The following UPB1 variants were observed in gnomAD, a reference collection of about 807,000 sequenced individuals.
UPB1 encodes beta-ureidopropionase.
In UPB1, 40 loss-of-function variants were observed where a neutral mutation model predicts 49.1. The ratio of observed to expected loss-of-function variants is 0.81; its 90% CI spans 0.63 to 1.06. The LOEUF is 1.06. UPB1 is among the 50% of genes least tolerant of loss of function. The pLI, the probability that UPB1 is intolerant of heterozygous loss-of-function variation, is 0.00. For synonymous variants in UPB1, 207 were observed against 198.2 expected (o/e 1.04, Z -0.38); for missense variants, 499 against 505.9 (o/e 0.99, Z 0.13).
chr22:24,511,962 G>A (rs1214095878), intron 4 of UPB1, among the ~76,000 whole-genome samples: 1 of 152,066 alleles, frequency 6.6e-6, no homozygotes, highest in African/African-American at 2.4e-5. Flanking sequence ...ATGAGGTGAC[G>A]AATGGTCATT....
chr22:24,521,632 C>A (rs140338), intron 7 of UPB1, among the ~76,000 whole-genome samples: 4,637 of 152,234 alleles, frequency 0.03, 191 homozygotes, highest in South Asian at 0.099. Flanking sequence ...TCACACACCC[C>A]GGCCTGGGGT....
intron 4 of UPB1, among the ~76,000 whole-genome samples, chr22:24,511,616 A>ATTT (rs758257120): frequency 0.017 from 2,154 of 124,852 alleles, 51 homozygotes; most frequent in East Asian, 0.1. Context: ...ATATATATAT[A>ATTT]TATTTTTTTT....
At position 24,495,469 on chromosome 22, in the gene UPB1, G is replaced by T; in HGVS notation, c.66G>T (p.Leu22Phe). The change falls in exon 1 of 10, where the codon TTG (leucine) becomes TTT (phenylalanine). Residue 22 changes from leucine (L) to phenylalanine (F), a missense_variant. Coordinates refer to ENST00000326010, the MANE Select transcript of UPB1 (RefSeq NM_016327.3). ...CLEKHLPLPD[L>F]QEVKRVLYGK... ...AGAAGCACCTGCCGCTCCCCGACTT[G>T]CAGGAAGTGAAGCGCGTTCTCTATG... The T allele has an allele frequency of 6.2e-7, 1 of 1,614,082 alleles. No individual in the cohort carries two copies. Among genetic ancestry groups the T allele is most frequent in the Non-Finnish European group, 8.5e-7 (1 of 1,180,032 alleles).
rs62231890 is a variant in UPB1 at position 24,500,705 on chromosome 22, G to T, written c.276+427G>T. ...GGGCGGGGACTCGCTATACCCAGAA[G>T]TCTGTCAGTTGTGGTGCCTACAGGA... On this transcript the variant is annotated intron_variant, in intron 2 of 9. Transcript: ENST00000326010. 5.5e-3 allele frequency among the ~76,000 whole-genome samples: 834 copies of T among 152,366 alleles called. 2 individuals carry two copies. The highest frequency in any genetic ancestry group is 0.018 in the South Asian group (87 of 4,826).
intron 1 of UPB1, among the ~76,000 whole-genome samples, chr22:24,497,731 T>C (rs955176586): frequency 1.3e-5 from 2 of 152,192 alleles, no homozygotes; most frequent in African/African-American, 2.4e-5. Context: ...CTTGTCCTCC[T>C]GGGCAGTGGC....
At chr22:24,495,590 G>A in intron 1 of UPB1, 83 bp downstream of exon 1, 1 of 1,478,542 alleles carries the variant, frequency 6.8e-7, no homozygotes, top group Non-Finnish European at 9.4e-7. Flanking sequence ...GGGCCTCAGG[G>A]TCTGAAGGGC....
At chr22:24,524,611 G>T (rs764887861) in intron 9 of UPB1, among the ~76,000 whole-genome samples, 1 of 152,018 alleles carries the variant, frequency 6.6e-6, no homozygotes, top group African/African-American at 2.4e-5. Flanking sequence ...TCAGCCTCCC[G>T]AGTAACTGGG....
chr22:24,522,444 G>T (rs2147041994), intron 8 of UPB1, among the ~76,000 whole-genome samples: 1 of 152,274 alleles, frequency 6.6e-6, no homozygotes, highest in Admixed American at 6.5e-5. Flanking sequence ...GATGGCCCTG[G>T]GTTTCTAGAG....
chr22:24,499,574 G>A (rs1398077966), intron 1 of UPB1, among the ~76,000 whole-genome samples: 3 of 152,018 alleles, frequency 2.0e-5, no homozygotes, highest in Non-Finnish European at 2.9e-5. Context: ...TCCCCCAGCA[G>A]GAGCAGCAGG....
Position 24,513,437 on chromosome 22 carries a change from G to A in UPB1, c.573G>A (p.Leu191=), listed in dbSNP as rs144859482. Residue 191 remains leucine (L), a synonymous_variant, in exon 5 of 10, where the codon CTG becomes CTA. Coordinates refer to ENST00000326010, the MANE Select transcript of UPB1 (RefSeq NM_016327.3). ...AVVISNSGAV[L]GKTRKNHIPR... is the part of the protein sequence containing the mutation. ...TGATCTCCAATTCCGGAGCAGTCCT[G>A]GGAAAGACCAGGAAAAACCACATCC... 36 of 1,614,040 alleles carry A rather than the reference G, an allele frequency of 2.2e-5. No individual in the cohort carries two copies. The highest frequency in any genetic ancestry group is 3.0e-5 in the Non-Finnish European group (35 of 1,180,040).
chr22:24,508,151 A>G (rs1207145202), intron 3 of UPB1, among the ~76,000 whole-genome samples: 1 of 152,172 alleles, frequency 6.6e-6, no homozygotes, highest in African/African-American at 2.4e-5. Context: ...AGGCCAGTTA[A>G]ACACTGCCCC....
In UPB1 at chr22:24,513,348, G is replaced by GT. The variant is rs989658543; in HGVS notation, c.485dup (p.Val163GlyfsTer42). On this transcript the variant is annotated frameshift_variant, in exon 5 of 10. Coordinates refer to ENST00000326010, the MANE Select transcript of UPB1 (RefSeq NM_016327.3). LOFTEE classifies it high-confidence loss of function. ...GCTGGCGAAGAACCATGACATGGTG[G>GT]TGGTGTCTCCCATCCTGGAACGAGA... 6.2e-7 allele frequency: 1 copy of GT among 1,614,200 alleles called. No homozygotes were observed. The highest frequency in any genetic ancestry group is 2.2e-5 in the East Asian group (1 of 44,892).
At chr22:24,506,262 C>G (rs1419792559) in intron 3 of UPB1, among the ~76,000 whole-genome samples, 1 of 152,120 alleles carries the variant, frequency 6.6e-6, no homozygotes, top group Non-Finnish European at 1.5e-5. Flanking sequence ...CTCAGGTGAT[C>G]CGCCCACCTC....
intron 3 of UPB1, among the ~76,000 whole-genome samples, chr22:24,505,500 A>AGG (rs1157495610): frequency 6.6e-6 from 1 of 152,134 alleles, no homozygotes; most frequent in East Asian, 1.9e-4. Flanking sequence ...CAAGAAGGGA[A>AGG]GGAGAACAAA....
intron 9 of UPB1, among the ~76,000 whole-genome samples, chr22:24,525,202 T>C (rs956804410): frequency 6.6e-6 from 1 of 152,120 alleles, no homozygotes; most frequent in African/African-American, 2.4e-5. Context: ...GTAATCCACC[T>C]TGGGAAAGGA....
intron 5 of UPB1, among the ~76,000 whole-genome samples, chr22:24,513,699 A>G (rs2044246332): frequency 6.6e-6 from 1 of 152,228 alleles, no homozygotes; most frequent in African/African-American, 2.4e-5. Flanking sequence ...GGACTCTCAG[A>G]GGAGTCCCAA....
chr22:24,495,491 T>C lies in UPB1; in HGVS notation c.88T>C (p.Tyr30His), dbSNP rs1168018009. 1 of 1,613,830 alleles carries C rather than the reference T, an allele frequency of 6.2e-7. No individual in the cohort carries two copies. Among genetic ancestry groups the C allele is most frequent in the Non-Finnish European group, 8.5e-7 (1 of 1,179,914 alleles). The change falls in exon 1 of 10, where the codon TAT becomes CAT. Residue 30 changes from tyrosine (Y) to histidine (H), a missense_variant. Tyr to His is a moderately conservative substitution (Grantham distance 83). Transcript: ENST00000326010. Reference sequence around the variant, plus strand: ...CTTGCAGGAAGTGAAGCGCGTTCTCTATGGCAAGGAACTCAGGTCCGCAGC... The same window carrying C: ...CTTGCAGGAAGTGAAGCGCGTTCTCCATGGCAAGGAACTCAGGTCCGCAGC... ...PDLQEVKRVL[Y>H]GKELRKLDLP...
Position 24,528,090 on chromosome 22 carries a change from G to GC in UPB1, c.*2297dup, listed in dbSNP as rs1485707546. 1.3e-5 allele frequency: 2 copies of GC among 152,324 alleles called. No homozygotes were observed. Among genetic ancestry groups the GC allele is most frequent in the African/African-American group, 4.8e-5 (2 of 41,468 alleles). The allele number at this position is 152,324 out of a possible 1,614,324, so 9.4% of individuals were successfully genotyped here. A position where few individuals can be genotyped will look rare whatever the true frequency, so the allele number is the denominator to read the frequency against. Reference sequence around the variant, plus strand: ...GCCGAGATCACACCACTGCACTCCAGCTTGGCGACAGAGTGAGACTCCGTC... The same window carrying GC: ...GCCGAGATCACACCACTGCACTCCAGCCTTGGCGACAGAGTGAGACTCCGTC... On this transcript the variant is annotated 3_prime_UTR_variant, in exon 10 of 10. Transcript: ENST00000326010.
chr22:24,520,376 C>G lies in UPB1; in HGVS notation c.792-11C>G. 1 of 1,614,036 alleles carries G rather than the reference C, an allele frequency of 6.2e-7. No homozygotes were observed. Among genetic ancestry groups the G allele is most frequent in the Non-Finnish European group, 8.5e-7 (1 of 1,179,958 alleles). ...GTCGGCAACCTGGTTCCTCTTGGTC[C>G]TCTCTTACAGCGAGTCCCTGTGGCC... On this transcript the variant is annotated splice_polypyrimidine_tract_variant and intron_variant, in intron 6 of 9. Transcript: ENST00000326010.
Sources: gnomAD v4.1 joint callset for allele counts (sites outside exome capture counted in the v4.1 genomes callset) on GRCh38, gnomAD v4.1.1 for gene constraint, MANE v1.5 for transcripts, NCBI Gene and HGNC (gene_info 2026-07-23, HGNC 2026-07-21) for gene names.